The following LRBA variants were observed in gnomAD, a reference collection of about 807,000 sequenced individuals.
LRBA encodes the protein lipopolysaccharide-responsive and beige-like anchor protein.
Under a neutral mutation model 330.0 loss-of-function variants are expected in LRBA, and 176 were observed. That is an observed-to-expected ratio of 0.53 (90% CI 0.47 to 0.60). The LOEUF (loss-of-function observed/expected upper bound fraction) is 0.60. LRBA is among the 20% of genes least tolerant of loss of function. The pLI, the probability that LRBA is intolerant of heterozygous loss-of-function variation, is 0.00. For missense variants in LRBA, 3,259 were observed against 3,444.8 expected, an observed-to-expected ratio of 0.95 and a Z score of 1.35; for synonymous variants, 1,230 against 1,193.0, an observed-to-expected ratio of 1.03 and a Z score of -0.64.
Position 150,848,963 on chromosome 4 carries a change from A to G in LRBA, c.4194T>C (p.Leu1398=), listed in dbSNP as rs774630843. The part of the protein sequence containing the change: ...ELENIEPTQG[L]SIEASVTFLQ... ...AAAATGTCACAGAGGCTTCTATTGAAAGGCCTTGAGTAGGTTCAATATTTT... is the reference window on the plus strand; with the variant it reads ...AAAATGTCACAGAGGCTTCTATTGAGAGGCCTTGAGTAGGTTCAATATTTT... Residue 1398 remains leucine, a synonymous_variant, in exon 26 of 57, where the codon CTT becomes CTC. Coordinates refer to ENST00000651943, the MANE Select transcript of LRBA (RefSeq NM_001364905.1). The G allele has an allele frequency of 4.3e-6, 7 of 1,610,744 alleles. No homozygotes were observed. The African/African-American group carries it at 9.4e-5, about 22-fold the overall frequency.
intron 2 of LRBA, among the ~76,000 whole-genome samples, chr4:151,010,580 C>G (rs1744707710): frequency 6.6e-6 from 1 of 151,904 alleles, no homozygotes; most frequent in Non-Finnish European, 1.5e-5. Context: ...TGGAAGGTAG[C>G]ACTTAAGAAA....
intron 40 of LRBA, among the ~76,000 whole-genome samples, chr4:150,522,052 TG>T (rs1173424098): frequency 2.0e-5 from 3 of 152,194 alleles, no homozygotes; most frequent in Admixed American, 6.5e-5. Flanking sequence ...ACAAACTTAG[TG>T]GCTTACATAA....
chr4:150,903,323 C>T (rs528235739), intron 13 of LRBA, among the ~76,000 whole-genome samples: 3 of 151,758 alleles, frequency 2.0e-5, no homozygotes, highest in South Asian at 4.2e-4. Context: ...AGTTTAAGGT[C>T]GCACTGAGCC....
chr4:150,687,866 G>A (rs1191978216), intron 36 of LRBA, among the ~76,000 whole-genome samples: 1 of 152,098 alleles, frequency 6.6e-6, no homozygotes, highest in African/African-American at 2.4e-5. Flanking sequence ...TCATGAAAAT[G>A]GCCATACTAT....
intron 33 of LRBA, among the ~76,000 whole-genome samples, 191 bp downstream of exon 33, chr4:150,806,080 T>G (rs1246765491): frequency 6.6e-6 from 1 of 151,406 alleles, no homozygotes; most frequent in Admixed American, 6.6e-5. Context: ...TCCATCCAAA[T>G]CACTGATAAA....
At chr4:150,927,577 T>C (rs926500011) in intron 4 of LRBA, among the ~76,000 whole-genome samples, 2 of 151,960 alleles carry the variant, frequency 1.3e-5, no homozygotes, top group Non-Finnish European at 2.9e-5. Context: ...CTAATATATC[T>C]GTAATTGGAG....
At chr4:150,558,212 T>C (rs1767585663) in intron 40 of LRBA, among the ~76,000 whole-genome samples, 1 of 152,128 alleles carries the variant, frequency 6.6e-6, no homozygotes, top group Admixed American at 6.6e-5. Flanking sequence ...TATTGCACTC[T>C]TTGGAAGCAA....
intron 31 of LRBA, among the ~76,000 whole-genome samples, chr4:150,812,117 G>A (rs1349720360): frequency 6.6e-6 from 1 of 152,112 alleles, no homozygotes; most frequent in Non-Finnish European, 1.5e-5. Context: ...CATTCCTGCT[G>A]TGGAAAAAAA....
intron 40 of LRBA, among the ~76,000 whole-genome samples, chr4:150,556,490 T>C (rs543708669): frequency 1.4e-4 from 21 of 152,316 alleles, no homozygotes; most frequent in African/African-American, 4.3e-4. Context: ...CAAAAGTGTT[T>C]GTGAAATGAA....
At chr4:150,648,308 G>A (rs1236448049) in intron 37 of LRBA, among the ~76,000 whole-genome samples, 1 of 151,704 alleles carries the variant, frequency 6.6e-6, no homozygotes, top group African/African-American at 2.4e-5. Context: ...GAGCTCACAA[G>A]ACCTCTGCCA....
At chr4:150,831,779 T>C in intron 29 of LRBA, 38 bp downstream of exon 29, 1 of 1,486,430 alleles carries the variant, frequency 6.7e-7, no homozygotes, top group Non-Finnish European at 9.1e-7. Context: ...AACATTTATT[T>C]GAACTTTGGT....
chr4:150,954,476 G>T (rs942943766), intron 2 of LRBA, among the ~76,000 whole-genome samples: 1 of 151,606 alleles, frequency 6.6e-6, no homozygotes, highest in Admixed American at 6.6e-5. Context: ...CCCCAACCCC[G>T]TGCTCTCTGA....
chr4:150,537,877 C>T (rs1324100750), intron 40 of LRBA, among the ~76,000 whole-genome samples: 2 of 152,058 alleles, frequency 1.3e-5, no homozygotes, highest in African/African-American at 4.8e-5. Context: ...ATTGCTTGAA[C>T]CCAGGAGGGG....
At chr4:150,419,669 A>G (rs1044118321) in intron 46 of LRBA, among the ~76,000 whole-genome samples, 8 of 108,462 alleles carry the variant, frequency 7.4e-5, no homozygotes, top group African/African-American at 2.9e-4. Context: ...ATGAAGTCTT[A>G]CTATGTCACC....
Position 150,900,171 on chromosome 4 carries a change from G to A in LRBA, c.1802C>T (p.Thr601Ile), listed in dbSNP as rs369623654. 1.2e-6 allele frequency: 2 copies of A among 1,612,998 alleles called. No homozygotes were observed. Among genetic ancestry groups the A allele is most frequent in the Non-Finnish European group, 1.7e-6 (2 of 1,179,148 alleles). ...CCGAATGGTGTTATATATGTTGACT[G>A]TACCAATGAATTCCGTGGACAGATA... ...YTYLSTEFIG[T>I]VNIYNTIRRV... is the part of the protein sequence containing the mutation. Residue 601 changes from threonine (T) to isoleucine (I), a missense_variant, in exon 14 of 57, where the codon ACA (threonine) becomes ATA (isoleucine). Coordinates refer to ENST00000651943, the MANE Select transcript of LRBA (RefSeq NM_001364905.1).
At chr4:150,949,478 G>A (rs1019388390) in intron 2 of LRBA, among the ~76,000 whole-genome samples, 2 of 151,994 alleles carry the variant, frequency 1.3e-5, no homozygotes, top group East Asian at 1.9e-4. Context: ...TCTGCACCTC[G>A]ATTATACCAA....
chr4:150,676,117 AT>A (rs549696964), intron 37 of LRBA, among the ~76,000 whole-genome samples: 135 of 151,216 alleles, frequency 8.9e-4, no homozygotes, highest in African/African-American at 1.5e-3. Context: ...TTATGATCTT[AT>A]TTTTTTTTAG....
At position 150,900,100 on chromosome 4, in the gene LRBA, A is replaced by G; in HGVS notation, c.1873T>C (p.Tyr625His). ...CGATCCTGAGGATTCACTGCCCAGT[A>G]GTAGTACTTCAGCGTGTGCATGATG... ...LLIMHTLKYY[Y>H]WAVNPQDRSG... Residue 625 changes from tyrosine (Y) to histidine (H), a missense_variant, in exon 14 of 57, where the codon TAC becomes CAC. Coordinates refer to ENST00000651943, the MANE Select transcript of LRBA (RefSeq NM_001364905.1). The G allele has an allele frequency of 4.3e-6, 7 of 1,613,628 alleles. No homozygotes were observed. The highest frequency in any genetic ancestry group is 5.9e-6 in the Non-Finnish European group (7 of 1,179,588).
At chr4:150,928,788 C>A in intron 3 of LRBA, 46 bp downstream of exon 3, 2 of 1,486,008 alleles carry the variant, frequency 1.3e-6, no homozygotes, top group South Asian at 2.4e-5. Flanking sequence ...ATTTGAAAAT[C>A]AAACTTTATT....
Sources: gnomAD v4.1 joint callset for allele counts (sites outside exome capture counted in the v4.1 genomes callset) on GRCh38, gnomAD v4.1.1 for gene constraint, MANE v1.5 for transcripts, NCBI Gene and HGNC (gene_info 2026-07-23, HGNC 2026-07-21) for gene names.